COL19A1: variants seen among roughly 807,000 people sequenced by gnomAD.
COL19A1 encodes the protein collagen type XIX alpha 1 chain.
In COL19A1, 159 loss-of-function variants were observed where a neutral mutation model predicts 190.2. The ratio of observed to expected loss-of-function variants is 0.84; its 90% CI spans 0.73 to 0.95. The LOEUF (loss-of-function observed/expected upper bound fraction) is 0.95, where lower values mean the gene tolerates loss of function less well. Ranked by LOEUF, COL19A1 falls within the 40% of genes least tolerant of loss-of-function variation. The pLI is 0.00. For synonymous variants in COL19A1, 509 were observed against 458.9 expected (o/e 1.11, Z -1.39); for missense variants, 1,418 against 1,431.9 (o/e 0.99, Z 0.16).
intron 25 of COL19A1, 107 bp downstream of exon 25, chr6:70,145,114 A>G (rs941553023): frequency 2.0e-5 from 16 of 805,596 alleles, no homozygotes; most frequent in Non-Finnish European, 3.1e-5. Flanking sequence ...AGGTCTGCAA[A>G]AAAAGGAAAA....
At chr6:69,925,766 C>T (rs969157127) in intron 4 of COL19A1, among the ~76,000 whole-genome samples, 2 of 151,790 alleles carry the variant, frequency 1.3e-5, no homozygotes, top group African/African-American at 2.4e-5. Context: ...TTTCATTGAG[C>T]AGTGGTTTGT....
chr6:70,000,391 G>A (rs1777191081), intron 11 of COL19A1, among the ~76,000 whole-genome samples: 2 of 152,104 alleles, frequency 1.3e-5, no homozygotes, highest in Admixed American at 1.3e-4. Flanking sequence ...CCCAGTAATG[G>A]GATTGCTGGG....
At chr6:69,884,063 G>C (rs58323230) in intron 2 of COL19A1, among the ~76,000 whole-genome samples, 2,760 of 152,114 alleles carry the variant, frequency 0.018, 92 homozygotes, top group African/African-American at 0.063. Context: ...GGCCGGGCTC[G>C]GTGGCTCACA....
intron 1 of COL19A1, among the ~76,000 whole-genome samples, chr6:69,871,060 A>G (rs1767793662): frequency 6.6e-6 from 1 of 152,214 alleles, no homozygotes; most frequent in Non-Finnish European, 1.5e-5. Flanking sequence ...CTAAATTGCA[A>G]AAGACATCTG....
chr6:70,081,027 C>T (rs3806010), intron 15 of COL19A1, among the ~76,000 whole-genome samples: 28,956 of 151,996 alleles, frequency 0.19, 3,962 homozygotes, highest in African/African-American at 0.36. Context: ...AAAGAAGTTA[C>T]GCTTCTAATT....
At chr6:70,167,822 C>A (rs1454190848) in intron 37 of COL19A1, among the ~76,000 whole-genome samples, 3 of 152,122 alleles carry the variant, frequency 2.0e-5, no homozygotes, top group African/African-American at 7.2e-5. Flanking sequence ...CTCACACTCC[C>A]TTTTCATTTC....
intron 4 of COL19A1, among the ~76,000 whole-genome samples, chr6:69,906,435 A>T (rs963155953): frequency 2.0e-5 from 3 of 152,178 alleles, no homozygotes; most frequent in Non-Finnish European, 4.4e-5. Flanking sequence ...TAGTGGGTTT[A>T]AAGTGCTGTG....
At chr6:69,973,758 G>T (rs1006314986) in intron 11 of COL19A1, 1 of 151,932 alleles carries the variant, frequency 6.6e-6, no homozygotes, top group African/African-American at 2.4e-5. Flanking sequence ...TCTCTTTTTT[G>T]GAAGTACATT....
chr6:69,902,287 G>A (rs905210685), intron 4 of COL19A1, among the ~76,000 whole-genome samples: 3 of 152,142 alleles, frequency 2.0e-5, no homozygotes, highest in South Asian at 2.1e-4. Flanking sequence ...AGTCAGCATG[G>A]GAAAAGGCAG....
At chr6:70,204,395 C>T (rs539375327) in intron 49 of COL19A1, among the ~76,000 whole-genome samples, 1 of 152,138 alleles carries the variant, frequency 6.6e-6, no homozygotes, top group South Asian at 2.1e-4. Context: ...GAGCTTGGGA[C>T]CTTAATAGGA....
At chr6:69,870,401 C>T (rs1182253340) in intron 1 of COL19A1, among the ~76,000 whole-genome samples, 1 of 152,182 alleles carries the variant, frequency 6.6e-6, no homozygotes, top group Non-Finnish European at 1.5e-5. Flanking sequence ...TGAACTCTCC[C>T]TGGTATGATT....
Position 70,207,363 on chromosome 6 carries a change from GC to G in COL19A1, c.*90del. 57 of 409,260 alleles carry G rather than the reference GC, an allele frequency of 1.4e-4. No individual in the cohort carries two copies. Among genetic ancestry groups the G allele is most frequent in the South Asian group, 3.3e-4 (4 of 12,294 alleles). The allele number at this position is 409,260 out of a possible 1,614,324, so 25.4% of individuals were successfully genotyped here. ...GTCAAACCCTCATCATCTGTGGGTT[GC>G]TTTTTTTTTTTTTTTTTTTTTTTGG... is the stretch of plus-strand genomic sequence containing the variant. On this transcript the variant is annotated 3_prime_UTR_variant, in exon 51 of 51. Coordinates refer to ENST00000620364, the MANE Select transcript of COL19A1 (RefSeq NM_001858.6).
At chr6:69,900,214 T>C in intron 3 of COL19A1, 25 bp from the exon 4 acceptor site, 1 of 1,394,264 alleles carries the variant, frequency 7.2e-7, no homozygotes, top group Non-Finnish European at 9.9e-7. Context: ...GTTTATTAAA[T>C]TGAATCATCT....
intron 4 of COL19A1, among the ~76,000 whole-genome samples, chr6:69,914,682 T>G (rs1162105707): frequency 1.3e-5 from 2 of 152,214 alleles, no homozygotes; most frequent in Non-Finnish European, 2.9e-5. Flanking sequence ...AAATATGATC[T>G]GGAAAATTCA....
chr6:70,065,030 G>A (rs971824721), intron 14 of COL19A1, among the ~76,000 whole-genome samples: 2 of 152,128 alleles, frequency 1.3e-5, no homozygotes, highest in African/African-American at 2.4e-5. Context: ...TGGCCATACT[G>A]CCCAAGGTAA....
intron 12 of COL19A1, among the ~76,000 whole-genome samples, chr6:70,029,518 G>A (rs557486056): frequency 1.3e-5 from 2 of 152,126 alleles, no homozygotes; most frequent in East Asian, 3.9e-4. Flanking sequence ...TATTCCATTT[G>A]GCTCTTTATG....
chr6:70,154,662 G>A (rs1256277666), intron 31 of COL19A1, among the ~76,000 whole-genome samples: 1 of 152,194 alleles, frequency 6.6e-6, no homozygotes, highest in Admixed American at 6.5e-5. Context: ...GAGCAAGGAA[G>A]CCAGTAGCAG....
chr6:70,114,928 A>G (rs1784477376), intron 16 of COL19A1, among the ~76,000 whole-genome samples: 1 of 152,234 alleles, frequency 6.6e-6, no homozygotes, highest in Non-Finnish European at 1.5e-5. Context: ...TGACCAATGA[A>G]TGAAACAGGT....
intron 18 of COL19A1, among the ~76,000 whole-genome samples, chr6:70,137,179 C>G (rs905700701): frequency 6.6e-6 from 1 of 152,140 alleles, no homozygotes; most frequent in African/African-American, 2.4e-5. Flanking sequence ...TATTTGCCCA[C>G]AGCCAATCAT....
Sources: gnomAD v4.1 joint callset for allele counts (sites outside exome capture counted in the v4.1 genomes callset) on GRCh38, gnomAD v4.1.1 for gene constraint, MANE v1.5 for transcripts, NCBI Gene and HGNC (gene_info 2026-07-23, HGNC 2026-07-21) for gene names.